The following TDP2 variants were observed in gnomAD, a reference collection of about 807,000 sequenced individuals.
TDP2 encodes 5'-Tyr-DNA phosphodiesterase.
In TDP2, 38 loss-of-function variants were observed where a neutral mutation model predicts 42.8. The ratio of observed to expected loss-of-function variants is 0.89; its 90% CI spans 0.68 to 1.16. TDP2 has a LOEUF of 1.16. Among genes scored for constraint, TDP2 ranks in the 50% most tolerant of loss-of-function variants. The pLI is 0.00. For missense variants in TDP2, 439 were observed against 439.3 expected, an observed-to-expected ratio of 1.00 and a Z score of 0.01; for synonymous variants, 173 against 150.6, an observed-to-expected ratio of 1.15 and a Z score of -1.09.
Position 24,666,716 on chromosome 6 carries a change from C to T in TDP2, c.147G>A (p.Glu49=). Residue 49 remains glutamate (E), a synonymous_variant, in exon 1 of 7, where the codon GAG becomes GAA. Transcript: ENST00000378198. The part of the protein sequence containing the change: ...DAAVAQCFLA[E]NDWEMERALN... ...AGCGTACTTCCATCTCCCAGTCGTT[C>T]TCGGCCAGGAAGCACTGAGCCACTG... The T allele has an allele frequency of 6.2e-7, 1 of 1,614,274 alleles. No individual in the cohort carries two copies. The highest frequency in any genetic ancestry group is 8.5e-7 in the Non-Finnish European group (1 of 1,180,048).
At chr6:24,658,356 C>A (rs1778089172) in intron 3 of TDP2, among the ~76,000 whole-genome samples, 1 of 152,200 alleles carries the variant, frequency 6.6e-6, no homozygotes, top group South Asian at 2.1e-4. Flanking sequence ...GAAAACAGTA[C>A]TAAAAGGCTT....
At chr6:24,658,780 T>A (rs1355141689) in intron 2 of TDP2, 46 bp from the exon 3 acceptor site, 1 of 1,554,032 alleles carries the variant, frequency 6.4e-7, no homozygotes, top group African/African-American at 1.4e-5. Flanking sequence ...AATCTATAAA[T>A]TGATTAAGAA....
intron 6 of TDP2, 24 bp downstream of exon 6, chr6:24,652,959 C>T: frequency 6.2e-7 from 1 of 1,609,826 alleles, no homozygotes; most frequent in Non-Finnish European, 8.5e-7. Flanking sequence ...TGTCCTCAAA[C>T]ATCAAACTGA....
chr6:24,655,859 A>T (rs1778053704), intron 4 of TDP2, among the ~76,000 whole-genome samples: 1 of 152,202 alleles, frequency 6.6e-6, no homozygotes, highest in Non-Finnish European at 1.5e-5. Context: ...ACACACTGAC[A>T]ATTGTGGGTC....
chr6:24,663,500 C>T (rs1187956818), intron 2 of TDP2, among the ~76,000 whole-genome samples: 4 of 152,128 alleles, frequency 2.6e-5, no homozygotes, highest in Admixed American at 2.0e-4. Context: ...ATGTTTGTCC[C>T]CTCCAAATCT....
At chr6:24,656,205 G>A (rs1351496320) in intron 4 of TDP2, among the ~76,000 whole-genome samples, 18 of 152,160 alleles carry the variant, frequency 1.2e-4, no homozygotes, top group Admixed American at 1.0e-3. Flanking sequence ...GATATTCAGT[G>A]AATAGGAGGC....
In TDP2 at chr6:24,650,011, G is replaced by C. The variant is rs938609468; in HGVS notation, c.*777C>G. The C allele has an allele frequency of 2.0e-5, 3 of 152,082 alleles. No individual in the cohort carries two copies. The highest frequency in any genetic ancestry group is 7.2e-5 in the African/African-American group (3 of 41,406). 9.4% of individuals were successfully genotyped at this position (152,082 alleles called of 1,614,324 possible). On this transcript the variant is annotated 3_prime_UTR_variant, in exon 7 of 7. Transcript: ENST00000378198. ...AAAATTCTTTATTTAAATTTCTCTTGTGGGGAAAATATTTTTCTTTAAAGC... is the reference window on the plus strand; with the variant it reads ...AAAATTCTTTATTTAAATTTCTCTTCTGGGGAAAATATTTTTCTTTAAAGC...
intron 2 of TDP2, among the ~76,000 whole-genome samples, chr6:24,661,052 T>C (rs1171047894): frequency 6.6e-6 from 1 of 152,228 alleles, no homozygotes; most frequent in Non-Finnish European, 1.5e-5. Flanking sequence ...TACGAAGTTA[T>C]AATTTTCCCC....
At chr6:24,664,280 G>C (rs1241347462) in intron 2 of TDP2, among the ~76,000 whole-genome samples, 1 of 148,884 alleles carries the variant, frequency 6.7e-6, no homozygotes, top group Non-Finnish European at 1.5e-5. Flanking sequence ...AAGGCTCTGG[G>C]ACACGGGCTT....
At position 24,666,250 on chromosome 6, in the gene TDP2, ATTTCC is replaced by A. The variant is rs1249947159; in HGVS notation, c.251+271_251+275del. The A allele has an allele frequency of 9.1e-6, 14 of 1,542,606 alleles. No individual in the cohort carries two copies. In the East Asian group the frequency reaches 1.2e-4, roughly 13 times the overall value. ...TTTGTTTCAAACCTCTCGCTTACTT[ATTTCC>A]TTTCATTTGAGTTAAACATTACATT... On this transcript the variant is annotated intron_variant, in intron 2 of 6. Transcript: ENST00000378198.
chr6:24,654,255 A>G, intron 5 of TDP2, 157 bp downstream of exon 5: 2 of 427,102 alleles, frequency 4.7e-6, no homozygotes, highest in Non-Finnish European at 8.2e-6. Context: ...AATTTATGTA[A>G]AAAATTAATT....
rs1208570817 is a variant in TDP2 at position 24,654,344 on chromosome 6, GAAT to G, written c.636+65_636+67del. The G allele has an allele frequency of 2.0e-5, 17 of 832,502 alleles. No homozygotes were observed. In the East Asian group the frequency reaches 2.5e-4, roughly 12 times the overall value. 51.6% of individuals were successfully genotyped at this position (832,502 alleles called of 1,614,324 possible). A position where few individuals can be genotyped will look rare whatever the true frequency, so the allele number is the denominator to read the frequency against. ...TCTCTAAAGGCAATGGTTTTAAAAA[GAAT>G]AATAACACAAAACTATGAAAAAATC... On this transcript the variant is annotated intron_variant, in intron 5 of 6. Transcript: ENST00000378198.
intron 2 of TDP2, among the ~76,000 whole-genome samples, chr6:24,660,758 C>G (rs1778132966): frequency 6.6e-6 from 1 of 152,170 alleles, no homozygotes; most frequent in Non-Finnish European, 1.5e-5. Flanking sequence ...TGGCATGTCT[C>G]TTTTAATTTT....
rs895673491 is a variant in TDP2 at position 24,650,720 on chromosome 6, C to A, written c.*68G>T. The stretch of plus-strand genomic sequence containing the variant: ...AGTACATTATTTCCTCCACAGCAAA[C>A]CTACCTTTCCAGAAGGTGGAAATTG... On this transcript the variant is annotated 3_prime_UTR_variant, in exon 7 of 7. Coordinates refer to ENST00000378198, the MANE Select transcript of TDP2 (RefSeq NM_016614.3). The A allele has an allele frequency of 1.3e-6, 2 of 1,519,218 alleles. No individual in the cohort carries two copies. The highest frequency in any genetic ancestry group is 1.8e-6 in the Non-Finnish European group (2 of 1,113,134). 94.1% of individuals were successfully genotyped at this position (1,519,218 alleles called of 1,614,324 possible).
chr6:24,651,580 T>G (rs1777975773), intron 6 of TDP2, among the ~76,000 whole-genome samples: 1 of 149,256 alleles, frequency 6.7e-6, no homozygotes, highest in Non-Finnish European at 1.5e-5. Context: ...AATACAAGAT[T>G]TATCATTTTA....
At chr6:24,659,888 C>T (rs554785387) in intron 2 of TDP2, among the ~76,000 whole-genome samples, 8 of 152,148 alleles carry the variant, frequency 5.3e-5, no homozygotes, top group Non-Finnish European at 8.8e-5. Context: ...CCTGGAACTG[C>T]CATGTAAAAA....
At chr6:24,651,641 G>GAGTGC (rs17249785) in intron 6 of TDP2, among the ~76,000 whole-genome samples, 146,868 of 151,598 alleles carry the variant, frequency 0.97, 71,158 homozygotes, top group East Asian at 1. Context: ...GCCCAGGATG[G>GAGTGC]AGTGGTGCAA....
chr6:24,665,691 C>T (rs1161433628), intron 2 of TDP2, among the ~76,000 whole-genome samples: 1 of 151,998 alleles, frequency 6.6e-6, no homozygotes, highest in Non-Finnish European at 1.5e-5. Context: ...TAGTAGGAGA[C>T]ATAAAATAAT....
intron 4 of TDP2, among the ~76,000 whole-genome samples, chr6:24,657,182 AAAAT>A (rs1243244858): frequency 2.6e-5 from 4 of 152,212 alleles, no homozygotes; most frequent in Non-Finnish European, 5.9e-5. Context: ...ATGCAGGTTG[AAAAT>A]ACAGTCTTCC....
Sources: allele counts gnomAD v4.1 joint callset (sites outside exome capture counted in the v4.1 genomes callset), GRCh38; gene constraint gnomAD v4.1.1; transcripts MANE v1.5; gene names NCBI Gene and HGNC (gene_info 2026-07-23, HGNC 2026-07-21).